The following ITGBL1 variants were observed in gnomAD, a reference collection of about 807,000 sequenced individuals.
ITGBL1 encodes integrin subunit beta like 1, also known as integrin beta-like protein 1.
In ITGBL1, 51 loss-of-function variants were observed where a neutral mutation model predicts 68.5. The observed-to-expected ratio is 0.74, with a 90% CI of 0.59 to 0.94. The LOEUF (loss-of-function observed/expected upper bound fraction) is 0.94. Among genes scored for constraint, ITGBL1 ranks in the 40% least tolerant of loss-of-function variants. The pLI, the probability that ITGBL1 is intolerant of heterozygous loss-of-function variation, is 0.00. For missense variants in ITGBL1, 649 were observed against 647.4 expected (o/e 1.00, Z -0.03); for synonymous variants, 209 against 227.3 (o/e 0.92, Z 0.72).
intron 4 of ITGBL1, among the ~76,000 whole-genome samples, chr13:101,577,671 G>A (rs577331564): frequency 1.5e-4 from 23 of 152,156 alleles, no homozygotes; most frequent in African/African-American, 3.6e-4. Context: ...AATAAATTCC[G>A]TAGTCTAAAA....
At chr13:101,655,159 A>G (rs976978959) in intron 7 of ITGBL1, among the ~76,000 whole-genome samples, 1 of 152,354 alleles carries the variant, frequency 6.6e-6, no homozygotes, top group East Asian at 1.9e-4. Context: ...AAAGTGTGCC[A>G]TGAAGGCGGG....
Position 101,453,930 on chromosome 13 carries a change from G to A in ITGBL1, c.146G>A (p.Arg49Gln), listed in dbSNP as rs2139606561. Residue 49 changes from arginine to glutamine, a missense_variant, in exon 2 of 11, where the codon CGA becomes CAA. Arg to Gln is a conservative substitution (Grantham distance 43, BLOSUM62 1). Transcript: ENST00000376180. ...AGGCTGTCCCGGGCCGAGTCGGAGC[G>A]ACGCTGCCGCGCACCTGGGCAGCCC... ...ACRLSRAESE[R>Q]RCRAPGQPPG... The A allele has an allele frequency of 7.3e-6, 10 of 1,369,452 alleles. No individual in the cohort carries two copies. The highest frequency in any genetic ancestry group is 1.9e-5 in the South Asian group (1 of 53,902). 84.8% of individuals were successfully genotyped at this position (1,369,452 alleles called of 1,614,324 possible).
chr13:101,688,130 A>T (rs1266627614), intron 7 of ITGBL1, among the ~76,000 whole-genome samples: 1 of 152,150 alleles, frequency 6.6e-6, no homozygotes, highest in African/African-American at 2.4e-5. Flanking sequence ...ATAAACCTGT[A>T]TGTCAGCATC....
chr13:101,493,673 G>A (rs144431757), intron 2 of ITGBL1, among the ~76,000 whole-genome samples: 20 of 152,214 alleles, frequency 1.3e-4, no homozygotes, highest in African/African-American at 4.6e-4. Flanking sequence ...TATTCCACAT[G>A]CCTGATGACA....
intron 8 of ITGBL1, among the ~76,000 whole-genome samples, chr13:101,703,284 GA>G (rs1411416173): frequency 1.3e-5 from 2 of 152,080 alleles, no homozygotes; most frequent in East Asian, 3.9e-4. Flanking sequence ...GCTGAGCTTT[GA>G]AAATTACTCA....
intron 7 of ITGBL1, among the ~76,000 whole-genome samples, chr13:101,623,570 G>T (rs1054769851): frequency 6.6e-6 from 1 of 152,092 alleles, no homozygotes; most frequent in African/African-American, 2.4e-5. Flanking sequence ...CAGATTCCTG[G>T]TAAGATGATT....
At chr13:101,652,094 T>A (rs1349861026) in intron 7 of ITGBL1, among the ~76,000 whole-genome samples, 1 of 150,650 alleles carries the variant, frequency 6.6e-6, no homozygotes, top group African/African-American at 2.4e-5. Context: ...AAAAATTATT[T>A]ATTTATTTAT....
chr13:101,556,860 G>T (rs1018668537), intron 2 of ITGBL1, among the ~76,000 whole-genome samples: 1 of 152,178 alleles, frequency 6.6e-6, no homozygotes, highest in Non-Finnish European at 1.5e-5. Flanking sequence ...CGAGTCTCCA[G>T]AAATATGAGA....
chr13:101,567,341 A>T (rs368297271), intron 2 of ITGBL1, among the ~76,000 whole-genome samples: 41 of 152,238 alleles, frequency 2.7e-4, no homozygotes, highest in African/African-American at 9.4e-4. Flanking sequence ...TGTAAAATAC[A>T]GTAAACTAGA....
chr13:101,674,899 G>C (rs1247069136), intron 7 of ITGBL1, among the ~76,000 whole-genome samples: 1 of 151,436 alleles, frequency 6.6e-6, no homozygotes, highest in African/African-American at 2.4e-5. Flanking sequence ...TTTGCTTCTT[G>C]ACTTCAGTGT....
chr13:101,518,481 A>G (rs2049230873), intron 2 of ITGBL1, among the ~76,000 whole-genome samples: 1 of 152,170 alleles, frequency 6.6e-6, no homozygotes, highest in Non-Finnish European at 1.5e-5. Context: ...ACTCCAGAGT[A>G]TTTATCTTAA....
chr13:101,599,677 C>A (rs1490035804), intron 7 of ITGBL1, among the ~76,000 whole-genome samples: 1 of 152,134 alleles, frequency 6.6e-6, no homozygotes, highest in African/African-American at 2.4e-5. Context: ...TTCCCAGCAC[C>A]ATTTATTAAA....
intron 4 of ITGBL1, among the ~76,000 whole-genome samples, chr13:101,577,591 A>G (rs2050384066): frequency 6.6e-6 from 1 of 152,218 alleles, no homozygotes; most frequent in Non-Finnish European, 1.5e-5. Flanking sequence ...TAGATTTTCT[A>G]TCATTTATTA....
At chr13:101,593,686 A>G (rs1387231973) in intron 6 of ITGBL1, among the ~76,000 whole-genome samples, 23 of 152,118 alleles carry the variant, frequency 1.5e-4, no homozygotes. Flanking sequence ...TCAAAACCTA[A>G]AAAATTGGAA....
chr13:101,558,722 T>G (rs2139230596), intron 2 of ITGBL1, among the ~76,000 whole-genome samples: 1 of 152,340 alleles, frequency 6.6e-6, no homozygotes, highest in South Asian at 2.1e-4. Context: ...GGACATGCCT[T>G]GCCTCCCTCA....
At chr13:101,674,699 G>A (rs1205400622) in intron 7 of ITGBL1, among the ~76,000 whole-genome samples, 1 of 151,250 alleles carries the variant, frequency 6.6e-6, no homozygotes, top group Non-Finnish European at 1.5e-5. Context: ...AAATTTTTTT[G>A]TATATTTCTG....
chr13:101,651,742 G>A (rs1254524470), intron 7 of ITGBL1, among the ~76,000 whole-genome samples: 1 of 150,122 alleles, frequency 6.7e-6, no homozygotes, highest in Admixed American at 6.7e-5. Context: ...TGAAATTTTT[G>A]CCCGGGTCTA....
At chr13:101,614,256 G>A (rs141536457) in intron 7 of ITGBL1, among the ~76,000 whole-genome samples, 6 of 152,130 alleles carry the variant, frequency 3.9e-5, no homozygotes, top group South Asian at 2.1e-4. Context: ...TTGGGTTTTC[G>A]CCATAGATAA....
chr13:101,546,962 T>C (rs1217495532), intron 2 of ITGBL1, among the ~76,000 whole-genome samples: 2 of 151,948 alleles, frequency 1.3e-5, no homozygotes, highest in African/African-American at 2.4e-5. Context: ...ATCTCTATAA[T>C]TTTAGAAAGA....
Sources: gnomAD v4.1 joint callset for allele counts (sites outside exome capture counted in the v4.1 genomes callset) on GRCh38, gnomAD v4.1.1 for gene constraint, MANE v1.5 for transcripts, NCBI Gene and HGNC (gene_info 2026-07-23, HGNC 2026-07-21) for gene names.